Variants in ZNF711 observed in about 807,000 individuals in gnomAD.
ZNF711 encodes the protein ZFX family zinc finger ZNF711.
A neutral mutation model predicts 43.5 loss-of-function variants in ZNF711; 3 were observed. That is an observed-to-expected ratio of 0.07 (90% CI 0.03 to 0.18). ZNF711 has a LOEUF of 0.18. Among genes scored for constraint, ZNF711 ranks in the 10% least tolerant of loss-of-function variants. The pLI is 1.00. For missense variants in ZNF711, 412 were observed against 604.0 expected (o/e 0.68, Z 3.33); for synonymous variants, 209 against 207.7 (o/e 1.01, Z -0.06).
At position 85,270,312 on chromosome X, in the gene ZNF711, A is replaced by G. The variant is rs1446661878; in HGVS notation, c.1246+166A>G. On this transcript the variant is annotated intron_variant, in intron 10 of 10. Transcript: ENST00000674551. Reference sequence around the variant, plus strand: ...TTTTTTTTTACTTTGTGTGACTGGTACTTAATAAAACTATGCTTGTTTGCT... The same window carrying G: ...TTTTTTTTTACTTTGTGTGACTGGTGCTTAATAAAACTATGCTTGTTTGCT... Among the ~76,000 whole-genome samples, 4 of 106,386 alleles carry G rather than the reference A, an allele frequency of 3.8e-5. No individual in the cohort carries two copies. In the Admixed American group the frequency reaches 4.1e-4, roughly 11 times the overall value. 92.4% of individuals were successfully genotyped at this position (106,386 alleles called of 115,157 possible).
In ZNF711 at chrX:85,265,151, C is replaced by T. The variant is rs768314738; in HGVS notation, c.812C>T (p.Thr271Ile). The T allele has an allele frequency of 3.3e-6, 4 of 1,205,783 alleles. No homozygotes were observed. The highest frequency in any genetic ancestry group is 4.5e-6 in the Non-Finnish European group (4 of 892,645). Residue 271 changes from threonine (T) to isoleucine (I), a missense_variant, in exon 7 of 11, where the codon ACC becomes ATC. Physicochemically the swap from Thr to Ile is moderately conservative, Grantham distance 89 (BLOSUM62 -1). Coordinates refer to ENST00000674551, the MANE Select transcript of ZNF711 (RefSeq NM_001330574.2). Reference sequence around the variant, plus strand: ...GAAATTGTCACAGAGAGTGAGTACACCAGTGGACATTCAGTAGCTGGAGTG... The same window carrying T: ...GAAATTGTCACAGAGAGTGAGTACATCAGTGGACATTCAGTAGCTGGAGTG... ...GTEIVTESEY[T>I]SGHSVAGVLD...
At chrX:85,251,423 T>G (rs1404169641) in intron 4 of ZNF711, among the ~76,000 whole-genome samples, 1 of 111,481 alleles carries the variant, frequency 9.0e-6, no homozygotes, top group African/African-American at 3.3e-5. Context: ...TGTGTTGTTT[T>G]AGGATATAAA....
Position 85,255,116 on chromosome X carries a change from A to G in ZNF711, c.80-143A>G, listed in dbSNP as rs923361346. The G allele has an allele frequency of 1.8e-5, 11 of 604,900 alleles. No individual in the cohort carries two copies. In the African/African-American group the frequency reaches 2.5e-4, roughly 14 times the overall value. The allele number at this position is 604,900 out of a possible 1,213,427, so 49.9% of individuals were successfully genotyped here. A position where few individuals can be genotyped will look rare whatever the true frequency, so the allele number is the denominator to read the frequency against. The stretch of plus-strand genomic sequence containing the variant: ...TGTTGGTGATTTTAATTGCAGTTAA[A>G]TTGTCAATGATTTTAAAAAATGATT... On this transcript the variant is annotated intron_variant, in intron 4 of 10. Transcript: ENST00000674551.
intron 6 of ZNF711, 68 bp from the exon 7 acceptor site, chrX:85,265,050 T>C (rs1483413310): frequency 2.0e-5 from 19 of 967,853 alleles, no homozygotes; most frequent in Non-Finnish European, 2.8e-5. Flanking sequence ...TTCTATATAT[T>C]CTTCTTATTA....
intron 9 of ZNF711, among the ~76,000 whole-genome samples, chrX:85,269,370 C>A (rs1277928561): frequency 9.9e-6 from 1 of 101,428 alleles, no homozygotes; most frequent in Admixed American, 1.1e-4. Context: ...TTCTTTCTTT[C>A]TTTCTTTTTT....
intron 4 of ZNF711, among the ~76,000 whole-genome samples, chrX:85,253,644 GTA>G (rs1432154618): frequency 3.6e-5 from 4 of 110,282 alleles, no homozygotes; most frequent in African/African-American, 1.3e-4. Context: ...TCGTGTGTGT[GTA>G]TGTGAATGTA....
chrX:85,254,801 C>CAAAAAA (rs376380248), intron 4 of ZNF711, among the ~76,000 whole-genome samples: 2 of 35,405 alleles, frequency 5.6e-5, no homozygotes, highest in Admixed American at 3.4e-4. Context: ...GACTCCGTCT[C>CAAAAAA]AAAAAAAAAA....
intron 5 of ZNF711, among the ~76,000 whole-genome samples, chrX:85,258,321 G>A (rs1054778035): frequency 9.0e-6 from 1 of 110,762 alleles, no homozygotes; most frequent in African/African-American, 3.3e-5. Flanking sequence ...TGGGAGCTAA[G>A]CTATGAGGAT....
intron 5 of ZNF711, among the ~76,000 whole-genome samples, chrX:85,262,811 A>T (rs1049501405): frequency 6.3e-5 from 7 of 110,501 alleles, no homozygotes; most frequent in Non-Finnish European, 9.5e-5. Context: ...ATAATTTTTA[A>T]TATGTGTTGT....
intron 5 of ZNF711, among the ~76,000 whole-genome samples, chrX:85,259,597 G>C (rs749435063): frequency 1.8e-5 from 2 of 110,725 alleles, no homozygotes; most frequent in Admixed American, 9.6e-5. Flanking sequence ...AGTACTCCTC[G>C]TAGAGGTTTT....
chrX:85,265,390 A>T, intron 7 of ZNF711, 135 bp downstream of exon 7: 1 of 676,279 alleles, frequency 1.5e-6, no homozygotes, highest in South Asian at 2.7e-5. Context: ...TTTGCTGTAA[A>T]TAATTTAAAA....
chrX:85,264,442 A>G lies in ZNF711; in HGVS notation c.778+12A>G. On this transcript the variant is annotated intron_variant, in intron 6 of 10. Coordinates refer to ENST00000674551, the MANE Select transcript of ZNF711 (RefSeq NM_001330574.2). ...TGATGTTGAAATAGGTACAAACACT[A>G]ATTTTAATTTATTGCTCCAATAGGA... The G allele has an allele frequency of 8.4e-7, 1 of 1,186,058 alleles. No individual in the cohort carries two copies. Among genetic ancestry groups the G allele is most frequent in the East Asian group, 3.0e-5 (1 of 33,475 alleles).
chrX:85,264,502 A>G (rs1382074690), intron 6 of ZNF711, 72 bp downstream of exon 6: 2 of 996,747 alleles, frequency 2.0e-6, no homozygotes, highest in African/African-American at 2.0e-5. Context: ...GGACTAGTCT[A>G]AAAATGTTCT....
chrX:85,267,208 A>G, intron 7 of ZNF711, 70 bp from the exon 8 acceptor site: 1 of 841,303 alleles, frequency 1.2e-6, no homozygotes, highest in Non-Finnish European at 1.6e-6. Flanking sequence ...AAAGATTTAC[A>G]TTGTTTGGAA....
At chrX:85,245,275 C>T (rs1184459253) in intron 1 of ZNF711, among the ~76,000 whole-genome samples, 1 of 112,057 alleles carries the variant, frequency 8.9e-6, no homozygotes, top group Non-Finnish European at 1.9e-5. Flanking sequence ...ATTTCTACTC[C>T]CCATGCATTA....
At chrX:85,265,067 GT>G (rs1930986113) in intron 6 of ZNF711, 50 bp from the exon 7 acceptor site, 9 of 1,076,742 alleles carry the variant, frequency 8.4e-6, no homozygotes, top group Non-Finnish European at 1.2e-5. Context: ...ATTAATTTAG[GT>G]GGTTATTCCA....
At chrX:85,254,801 CA>C (rs376380248) in intron 4 of ZNF711, among the ~76,000 whole-genome samples, 54 of 35,832 alleles carry the variant, frequency 1.5e-3, no homozygotes, top group East Asian at 0.011. Context: ...GACTCCGTCT[CA>C]AAAAAAAAAA....
chrX:85,272,918 T>G lies in ZNF711; in HGVS notation c.*1090T>G, dbSNP rs1052073636. 2 of 112,186 alleles carry G rather than the reference T, an allele frequency of 1.8e-5. No homozygotes were observed. The highest frequency in any genetic ancestry group is 6.5e-5 in the African/African-American group (2 of 30,898). The allele number at this position is 112,186 out of a possible 1,213,427, so 9.2% of individuals were successfully genotyped here. The stretch of plus-strand genomic sequence containing the variant: ...TGTATAAACTTAAAATATGCATCCC[T>G]TTAACAACGCTTTGTGTTAGCATGC... On this transcript the variant is annotated 3_prime_UTR_variant, in exon 11 of 11. Coordinates refer to ENST00000674551, the MANE Select transcript of ZNF711 (RefSeq NM_001330574.2).
At chrX:85,255,173 ATATT>A (rs756545132) in intron 4 of ZNF711, 82 bp from the exon 5 acceptor site, 9,391 of 896,977 alleles carry the variant, frequency 0.01, 39 homozygotes, top group Non-Finnish European at 0.012. Flanking sequence ...TATTTAAGAA[ATATT>A]TATAGCATTT....
Sources: allele counts gnomAD v4.1 joint callset (sites outside exome capture counted in the v4.1 genomes callset), GRCh38; gene constraint gnomAD v4.1.1; transcripts MANE v1.5; gene names NCBI Gene and HGNC (gene_info 2026-07-23, HGNC 2026-07-21).